Variants in RHOBTB1 observed in about 807,000 individuals in gnomAD.
RHOBTB1 encodes rho-related BTB domain-containing protein 1.
RHOBTB1 carries 40 observed loss-of-function variants against 71.6 expected under a neutral mutation model. That is an observed-to-expected ratio of 0.56 (90% confidence interval 0.43 to 0.73). RHOBTB1 has a LOEUF of 0.73. RHOBTB1 is among the 30% of genes least tolerant of loss of function. The pLI, the probability that RHOBTB1 is intolerant of heterozygous loss-of-function variation, is 0.00. For missense variants in RHOBTB1, 797 were observed against 894.0 expected, an observed-to-expected ratio of 0.89 and a Z score of 1.38; for synonymous variants, 319 against 334.9, an observed-to-expected ratio of 0.95 and a Z score of 0.52.
rs2081690598 is a variant in RHOBTB1, at chr10:60,888,220, G to A, written c.1448C>T (p.Thr483Met). ...CCCCGCGGCCCACTCACCCGAGAACGTTCCCTTGCTGAGACACTCTTTTAT... is the reference window on the plus strand; with the variant it reads ...CCCCGCGGCCCACTCACCCGAGAACATTCCCTTGCTGAGACACTCTTTTAT... ...NRIKECLSKG[T>M]FSDVTFKLDD... is the part of the protein sequence containing the mutation. Residue 483 changes from threonine to methionine, a missense_variant, in exon 6 of 11, where the codon ACG becomes ATG. By Grantham distance (81) the Thr-to-Met change is moderately conservative (BLOSUM62 -1). Coordinates refer to ENST00000337910, the MANE Select transcript of RHOBTB1 (RefSeq NM_014836.5). The A allele has an allele frequency of 3.7e-6, 6 of 1,612,934 alleles. No individual in the cohort carries two copies. The highest frequency in any genetic ancestry group is 5.1e-6 in the Non-Finnish European group (6 of 1,179,242).
upstream of RHOBTB1, among the ~76,000 whole-genome samples, chr10:60,945,973 T>C (rs1286087375): frequency 6.6e-6 from 1 of 151,820 alleles, no homozygotes; most frequent in Admixed American, 6.6e-5. Flanking sequence ...AGGTCAGGAG[T>C]TCGAAACCAG....
chr10:60,886,765 C>A (rs535767212), intron 6 of RHOBTB1, among the ~76,000 whole-genome samples: 1 of 151,692 alleles, frequency 6.6e-6, no homozygotes, highest in Non-Finnish European at 1.5e-5. Context: ...TTTAAACTGC[C>A]GGGTTCCAGC....
At chr10:60,896,112 C>T (rs2132895345) in intron 4 of RHOBTB1, among the ~76,000 whole-genome samples, 1 of 152,284 alleles carries the variant, frequency 6.6e-6, no homozygotes, top group African/African-American at 2.4e-5. Context: ...AAGAATATCT[C>T]CAGCTTTAGG....
intron 4 of RHOBTB1, among the ~76,000 whole-genome samples, chr10:60,898,102 T>C (rs564894817): frequency 1.8e-4 from 28 of 152,296 alleles, no homozygotes; most frequent in Non-Finnish European, 3.4e-4. Context: ...CACCTCTTTA[T>C]ATGTCATCAT....
chr10:60,908,434 C>T (rs562095263), intron 4 of RHOBTB1, among the ~76,000 whole-genome samples: 13 of 152,298 alleles, frequency 8.5e-5, no homozygotes, highest in African/African-American at 2.9e-4. Context: ...AACTGTAATT[C>T]TCACTAAGTA....
chr10:60,900,447 T>G (rs983763158), intron 4 of RHOBTB1, among the ~76,000 whole-genome samples: 2 of 152,222 alleles, frequency 1.3e-5, no homozygotes, highest in Non-Finnish European at 2.9e-5. Flanking sequence ...GCTATTTATT[T>G]CTGCTTCCCT....
At chr10:60,942,148 C>T (rs1198134053) in intron 1 of RHOBTB1, among the ~76,000 whole-genome samples, 1 of 152,086 alleles carries the variant, frequency 6.6e-6, no homozygotes, top group Non-Finnish European at 1.5e-5. Flanking sequence ...GGCCACAAAC[C>T]GATAGATAAC....
At chr10:60,990,051 C>T (rs1304819438) in intron 1 of RHOBTB1, among the ~76,000 whole-genome samples, 5 of 146,022 alleles carry the variant, frequency 3.4e-5, no homozygotes, top group East Asian at 4.0e-4. Context: ...GGCGCGATCT[C>T]GGCTCACTGC....
chr10:60,864,215 GCT>G, the RHOBTB1 span, among the ~76,000 whole-genome samples: 1 of 152,150 alleles, frequency 6.6e-6, no homozygotes, highest in South Asian at 2.1e-4. Flanking sequence ...TTCACCTCAG[GCT>G]CTGTTTCTGG....
chr10:60,924,109 A>T (rs2083723737), intron 2 of RHOBTB1, among the ~76,000 whole-genome samples: 1 of 152,036 alleles, frequency 6.6e-6, no homozygotes, highest in African/African-American at 2.4e-5. Flanking sequence ...AAATCTGTGT[A>T]TTTTTTTTCA....
At chr10:60,922,046 T>A (rs2083594896) in intron 2 of RHOBTB1, among the ~76,000 whole-genome samples, 1 of 152,184 alleles carries the variant, frequency 6.6e-6, no homozygotes, top group East Asian at 1.9e-4. Context: ...TGAGTGCTTG[T>A]TTATTTTGTT....
intron 2 of RHOBTB1, chr10:60,912,820 T>A (rs913045537): frequency 2.0e-5 from 3 of 152,210 alleles, no homozygotes; most frequent in African/African-American, 4.8e-5. Flanking sequence ...CAGCCATGTA[T>A]GATTTTAAGA....
intron 2 of RHOBTB1, among the ~76,000 whole-genome samples, chr10:60,978,013 G>A (rs1207423792): frequency 6.6e-6 from 1 of 152,020 alleles, no homozygotes; most frequent in Non-Finnish European, 1.5e-5. Flanking sequence ...ATAAAATGCC[G>A]ATATATTTTA....
chr10:60,874,174 G>A (rs968591918), intron 9 of RHOBTB1, among the ~76,000 whole-genome samples: 5 of 152,206 alleles, frequency 3.3e-5, no homozygotes, highest in African/African-American at 1.2e-4. Context: ...AAACCCAACA[G>A]GCCGAAGAAA....
chr10:60,945,761 T>C (rs183357661), upstream of RHOBTB1, among the ~76,000 whole-genome samples: 643 of 152,132 alleles, frequency 4.2e-3, 1 homozygote, highest in Non-Finnish European at 7.1e-3. Flanking sequence ...ACGGCAGTAT[T>C]TTTGAAAATG....
rs1463045903 is a variant in RHOBTB1, at chr10:60,871,386, G to A, written c.*96C>T. On this transcript the variant is annotated 3_prime_UTR_variant, in exon 11 of 11. Transcript: ENST00000337910. ...CAGTGCCCGAAACCTGAACTATGTC[G>A]TATCTCTAACAAGACGAATTTTATA... is the stretch of plus-strand genomic sequence containing the variant. 6 of 1,260,854 alleles carry A rather than the reference G, an allele frequency of 4.8e-6. No individual in the cohort carries two copies. Among genetic ancestry groups the A allele is most frequent in the Non-Finnish European group, 6.7e-6 (6 of 900,658 alleles). The allele number at this position is 1,260,854 out of a possible 1,614,324, so 78.1% of individuals were successfully genotyped here.
chr10:60,888,929 C>T lies in RHOBTB1; in HGVS notation c.739G>A (p.Glu247Lys), dbSNP rs1430384731. The change falls in exon 6 of 11, where the codon GAG becomes AAG. Residue 247 changes from glutamate to lysine, a missense_variant. This residue lies in a region of RHOBTB1 where 658 missense variants were observed against 681.5 expected (regional missense o/e 0.97). Transcript: ENST00000337910. ...KAPPPVIKIP[E>K]CPSMGTNEAA... ...TCATTTGTCCCCATGGAAGGACACT[C>T]TGGAATTTTGATGACCGGTGGAGGG... The T allele has an allele frequency of 2.5e-6, 4 of 1,614,204 alleles. No homozygotes were observed. The South Asian group carries it at 3.3e-5, about 13-fold the overall frequency.
At chr10:60,891,387 C>T (rs2081911849) in intron 5 of RHOBTB1, among the ~76,000 whole-genome samples, 1 of 123,574 alleles carries the variant, frequency 8.1e-6, no homozygotes, top group Non-Finnish European at 1.6e-5. Flanking sequence ...GTCACCTAGG[C>T]TGGAGTGAAG....
intron 6 of RHOBTB1, 121 bp downstream of exon 6, chr10:60,888,091 T>C: frequency 5.3e-6 from 6 of 1,127,306 alleles, no homozygotes; most frequent in South Asian, 1.7e-5. Flanking sequence ...GAAAGGTACA[T>C]GGGAAAAAAT....
Sources: gnomAD v4.1 joint callset for allele counts (sites outside exome capture counted in the v4.1 genomes callset) on GRCh38, gnomAD v4.1.1 for gene constraint, gnomAD v4.1.1 regional missense constraint, MANE v1.5 for transcripts, NCBI Gene and HGNC (gene_info 2026-07-23, HGNC 2026-07-21) for gene names.